The following VEPH1 variants were observed in gnomAD, a reference collection of about 807,000 sequenced individuals.
VEPH1 encodes the protein ventricular zone-expressed PH domain-containing protein homolog 1.
Under a neutral mutation model 85.2 loss-of-function variants are expected in VEPH1, and 80 were observed. The ratio of observed to expected loss-of-function variants is 0.94; its 90% confidence interval spans 0.78 to 1.13. The LOEUF (loss-of-function observed/expected upper bound fraction) is 1.13, where lower values mean the gene tolerates loss of function less well. Ranked by LOEUF, VEPH1 falls within the 50% of genes most tolerant of loss-of-function variation. VEPH1 has a pLI of 0.00. For missense variants in VEPH1, 955 were observed against 980.5 expected (o/e 0.97, Z 0.35); for synonymous variants, 297 against 348.0 (o/e 0.85, Z 1.63).
In VEPH1 at chr3:157,313,618, T is replaced by C. The variant is rs945301159; in HGVS notation, c.2010+3A>G. On this transcript the variant is annotated splice_donor_region_variant and intron_variant, in intron 11 of 13. Transcript: ENST00000362010. ...TAACATGGCCAAGGAAAGGAATATT[T>C]ACCTTCTGCTGTGGAAACGTGGACT... The C allele has an allele frequency of 1.9e-6, 3 of 1,613,840 alleles. No individual in the cohort carries two copies. The highest frequency in any genetic ancestry group is 3.3e-4 in the Middle Eastern group (2 of 6,054).
chr3:157,408,109 T>C (rs1288464643), intron 6 of VEPH1, among the ~76,000 whole-genome samples: 4 of 152,172 alleles, frequency 2.6e-5, no homozygotes, highest in Non-Finnish European at 5.9e-5. Flanking sequence ...CAGTGGTGAG[T>C]GCTCCTTCTT....
rs1244493417 is a variant in VEPH1 at position 157,261,106 on chromosome 3, A to T, written c.*28T>A. On this transcript the variant is annotated 3_prime_UTR_variant, in exon 14 of 14. Coordinates refer to ENST00000362010, the MANE Select transcript of VEPH1 (RefSeq NM_001167912.2). ...AATGATAATACAATGCCTGTGGTGT[A>T]TAATTGTCATGGCTGACTTATAAAT... 6.2e-7 allele frequency: 1 copy of T among 1,606,120 alleles called. No homozygotes were observed. Among genetic ancestry groups the T allele is most frequent in the East Asian group, 2.3e-5 (1 of 44,400 alleles).
chr3:157,273,574 G>A (rs1230921997), intron 12 of VEPH1, among the ~76,000 whole-genome samples: 1 of 152,160 alleles, frequency 6.6e-6, no homozygotes, highest in Non-Finnish European at 1.5e-5. Context: ...AAGGACCAAA[G>A]CTGAGGAAGG....
chr3:157,282,773 G>A (rs1301068377), intron 12 of VEPH1, among the ~76,000 whole-genome samples: 1 of 152,152 alleles, frequency 6.6e-6, no homozygotes, highest in East Asian at 1.9e-4. Context: ...AAGACACAAG[G>A]GCAACTGATA....
At chr3:157,474,781 G>A (rs1737294488) in intron 2 of VEPH1, among the ~76,000 whole-genome samples, 1 of 151,620 alleles carries the variant, frequency 6.6e-6, no homozygotes, top group South Asian at 2.1e-4. Flanking sequence ...TGTGTCAAAC[G>A]ATTATTTCCT....
chr3:157,271,431 G>A (rs1054141666), intron 12 of VEPH1, among the ~76,000 whole-genome samples: 6 of 152,152 alleles, frequency 3.9e-5, no homozygotes, highest in South Asian at 2.1e-4. Flanking sequence ...TGGGCAGGGC[G>A]TAGGAAAAGC....
At chr3:157,432,976 T>C (rs1577642686) in intron 4 of VEPH1, among the ~76,000 whole-genome samples, 1 of 152,204 alleles carries the variant, frequency 6.6e-6, no homozygotes. Flanking sequence ...AGGTATCCCA[T>C]AGCTATTTTT....
chr3:157,337,948 A>G (rs566163535), intron 9 of VEPH1, among the ~76,000 whole-genome samples: 69 of 152,186 alleles, frequency 4.5e-4, no homozygotes, highest in African/African-American at 1.6e-3. Context: ...TCTGGTTTGA[A>G]GAATAATATG....
At chr3:157,485,715 T>G (rs1309125095) in intron 2 of VEPH1, among the ~76,000 whole-genome samples, 1 of 152,064 alleles carries the variant, frequency 6.6e-6, no homozygotes, top group Non-Finnish European at 1.5e-5. Context: ...AAAAGACAGA[T>G]ATTTTCTATT....
intron 12 of VEPH1, among the ~76,000 whole-genome samples, chr3:157,274,491 C>G (rs1247441008): frequency 6.6e-6 from 1 of 152,072 alleles, no homozygotes; most frequent in Non-Finnish European, 1.5e-5. Flanking sequence ...CTCTCTGTCT[C>G]TCTGTCTGCA....
intron 7 of VEPH1, among the ~76,000 whole-genome samples, chr3:157,366,972 G>A (rs1334377408): frequency 1.3e-5 from 2 of 152,152 alleles, no homozygotes; most frequent in African/African-American, 4.8e-5. Flanking sequence ...GAGGGTTCAT[G>A]ATTATGGGCC....
intron 11 of VEPH1, among the ~76,000 whole-genome samples, chr3:157,300,923 C>T (rs976182559): frequency 6.6e-6 from 1 of 152,186 alleles, no homozygotes; most frequent in Admixed American, 6.5e-5. Flanking sequence ...GGTCCTAAGG[C>T]ATCAATAAAA....
intron 12 of VEPH1, among the ~76,000 whole-genome samples, chr3:157,273,301 A>T (rs1289506333): frequency 6.6e-6 from 1 of 152,234 alleles, no homozygotes; most frequent in African/African-American, 2.4e-5. Context: ...CAAATATGAC[A>T]GTCTCAATTA....
intron 7 of VEPH1, among the ~76,000 whole-genome samples, chr3:157,370,842 G>C (rs1001112396): frequency 2.0e-5 from 3 of 152,160 alleles, no homozygotes; most frequent in Non-Finnish European, 2.9e-5. Flanking sequence ...AGAATCTTAT[G>C]GGGAAAAGCT....
chr3:157,373,985 C>G (rs148603958), intron 7 of VEPH1, among the ~76,000 whole-genome samples: 5 of 152,302 alleles, frequency 3.3e-5, no homozygotes, highest in African/African-American at 1.2e-4. Flanking sequence ...TGTCTCCTAC[C>G]TACATCTCGT....
intron 9 of VEPH1, among the ~76,000 whole-genome samples, chr3:157,326,543 C>T (rs1213344443): frequency 6.6e-6 from 1 of 152,126 alleles, no homozygotes; most frequent in Non-Finnish European, 1.5e-5. Flanking sequence ...GGAGGATATA[C>T]ATTGTAGGAC....
intron 13 of VEPH1, among the ~76,000 whole-genome samples, chr3:157,264,204 C>T (rs1010267847): frequency 2.0e-5 from 3 of 152,188 alleles, no homozygotes; most frequent in Non-Finnish European, 2.9e-5. Flanking sequence ...ATCAGAGCTC[C>T]TGGTTTTGGG....
intron 11 of VEPH1, among the ~76,000 whole-genome samples, chr3:157,298,324 T>A (rs967144327): frequency 1.3e-5 from 2 of 152,174 alleles, no homozygotes; most frequent in African/African-American, 4.8e-5. Context: ...TCACTCAAAC[T>A]AAGTCAGCTG....
chr3:157,348,679 G>C (rs1724515392), intron 9 of VEPH1, among the ~76,000 whole-genome samples: 1 of 152,254 alleles, frequency 6.6e-6, no homozygotes, highest in South Asian at 2.1e-4. Context: ...GGGGGCTGCA[G>C]AGGCCTGGTG....
Sources: allele counts gnomAD v4.1 joint callset (sites outside exome capture counted in the v4.1 genomes callset), GRCh38; gene constraint gnomAD v4.1.1; transcripts MANE v1.5; gene names NCBI Gene and HGNC (gene_info 2026-07-23, HGNC 2026-07-21).